The following CNTNAP5 variants were observed in gnomAD, a reference collection of about 807,000 sequenced individuals.
CNTNAP5 encodes the protein contactin associated protein family member 5, also known as contactin-associated protein-like 5.
Under a neutral mutation model 150.2 loss-of-function variants are expected in CNTNAP5, and 72 were observed. That is an observed-to-expected ratio of 0.48 (90% confidence interval 0.40 to 0.58). The LOEUF (loss-of-function observed/expected upper bound fraction) is 0.58. Ranked by LOEUF, CNTNAP5 falls within the 20% of genes least tolerant of loss-of-function variation. CNTNAP5 has a pLI of 0.00. For synonymous variants in CNTNAP5, 672 were observed against 619.8 expected, an observed-to-expected ratio of 1.08 and a Z score of -1.25; for missense variants, 1,636 against 1,626.2, an observed-to-expected ratio of 1.01 and a Z score of -0.10.
At chr2:124,516,792 G>T (rs868801585) in intron 8 of CNTNAP5, among the ~76,000 whole-genome samples, 22 of 152,308 alleles carry the variant, frequency 1.4e-4, no homozygotes, top group African/African-American at 5.3e-4. Flanking sequence ...AAAAAAAGAT[G>T]TCAAAATATG....
chr2:124,136,568 T>C (rs1683979153), intron 1 of CNTNAP5, among the ~76,000 whole-genome samples: 1 of 152,176 alleles, frequency 6.6e-6, no homozygotes, highest in South Asian at 2.1e-4. Flanking sequence ...TCTCATGTAA[T>C]TTACAGAATA....
intron 3 of CNTNAP5, among the ~76,000 whole-genome samples, chr2:124,249,733 C>A (rs1036623891): frequency 1.3e-5 from 2 of 152,162 alleles, no homozygotes; most frequent in African/African-American, 4.8e-5. Flanking sequence ...GTGTCATTGG[C>A]CACAATCACT....
chr2:124,029,716 A>G (rs965431959), intron 1 of CNTNAP5, among the ~76,000 whole-genome samples: 1 of 151,540 alleles, frequency 6.6e-6, no homozygotes, highest in African/African-American at 2.4e-5. Flanking sequence ...GTTTCCCTTT[A>G]CTGAATCACT....
intron 19 of CNTNAP5, among the ~76,000 whole-genome samples, chr2:124,852,238 A>T (rs1285196010): frequency 6.6e-6 from 1 of 152,218 alleles, no homozygotes; most frequent in Admixed American, 6.5e-5. Flanking sequence ...ATTATGACTG[A>T]CAGCTTGAAA....
intron 14 of CNTNAP5, among the ~76,000 whole-genome samples, chr2:124,752,621 G>A (rs2105151712): frequency 6.6e-6 from 1 of 152,188 alleles, no homozygotes; most frequent in South Asian, 2.1e-4. Context: ...AAATTGTAAT[G>A]AAAAAGGAAT....
At chr2:124,794,643 T>G (rs1681806978) in intron 18 of CNTNAP5, among the ~76,000 whole-genome samples, 1 of 152,214 alleles carries the variant, frequency 6.6e-6, no homozygotes, top group Non-Finnish European at 1.5e-5. Context: ...CCATTTATTT[T>G]TACTTTTTAT....
intron 1 of CNTNAP5, among the ~76,000 whole-genome samples, chr2:124,057,744 G>GA (rs1681895367): frequency 6.7e-6 from 1 of 148,964 alleles, no homozygotes; most frequent in Non-Finnish European, 1.5e-5. Flanking sequence ...CAAGAAGGAT[G>GA]GTAACAGAGG....
chr2:124,252,279 G>A (rs543231601), intron 3 of CNTNAP5, among the ~76,000 whole-genome samples: 67 of 152,292 alleles, frequency 4.4e-4, no homozygotes, highest in African/African-American at 1.6e-3. Context: ...CGTAATTTAA[G>A]GAAAGATCCT....
At chr2:124,685,986 A>T (rs1238699305) in intron 13 of CNTNAP5, among the ~76,000 whole-genome samples, 1 of 152,044 alleles carries the variant, frequency 6.6e-6, no homozygotes, top group East Asian at 1.9e-4. Flanking sequence ...TGAAGACCTC[A>T]CAGTTGTTTT....
At chr2:124,081,164 A>G (rs1261882235) in intron 1 of CNTNAP5, among the ~76,000 whole-genome samples, 1 of 152,008 alleles carries the variant, frequency 6.6e-6, no homozygotes, top group Non-Finnish European at 1.5e-5. Context: ...TACTAGATGT[A>G]CTGGTTTTTT....
chr2:124,122,024 G>A (rs1432882583), intron 1 of CNTNAP5, among the ~76,000 whole-genome samples: 1 of 152,154 alleles, frequency 6.6e-6, no homozygotes, highest in African/African-American at 2.4e-5. Context: ...TTTCATACCA[G>A]CTAATTCATG....
intron 10 of CNTNAP5, among the ~76,000 whole-genome samples, chr2:124,550,988 G>C (rs540380036): frequency 1.3e-5 from 2 of 152,140 alleles, no homozygotes; most frequent in East Asian, 3.9e-4. Flanking sequence ...CCTCTGCTTT[G>C]AAGAACTGGC....
chr2:124,577,518 G>T (rs1696310835), intron 11 of CNTNAP5, among the ~76,000 whole-genome samples: 1 of 152,214 alleles, frequency 6.6e-6, no homozygotes, highest in South Asian at 2.1e-4. Flanking sequence ...TATCTATTCA[G>T]GGTTCAACAG....
chr2:124,797,898 G>A (rs143405271), intron 18 of CNTNAP5, among the ~76,000 whole-genome samples, 198 bp from the exon 19 acceptor site: 13 of 152,308 alleles, frequency 8.5e-5, no homozygotes, highest in African/African-American at 3.1e-4. Flanking sequence ...TAACCTATGA[G>A]AGCATTAAGT....
At chr2:124,826,194 C>CT (rs1240050767) in intron 19 of CNTNAP5, among the ~76,000 whole-genome samples, 4 of 152,024 alleles carry the variant, frequency 2.6e-5, no homozygotes. Flanking sequence ...GTTTAAGAAA[C>CT]TTTATAACCA....
intron 21 of CNTNAP5, among the ~76,000 whole-genome samples, chr2:124,886,566 G>A (rs1403528285): frequency 2.6e-5 from 4 of 152,066 alleles, no homozygotes; most frequent in East Asian, 3.9e-4. Flanking sequence ...TTTTAAAAGG[G>A]GAGAAAAAGA....
intron 1 of CNTNAP5, among the ~76,000 whole-genome samples, chr2:124,063,807 G>T (rs932316941): frequency 3.3e-5 from 5 of 152,100 alleles, no homozygotes; most frequent in African/African-American, 1.2e-4. Flanking sequence ...GTGGAATAAA[G>T]GTGGGCACAG....
chr2:124,397,239 T>C (rs890439947), intron 3 of CNTNAP5, among the ~76,000 whole-genome samples: 1 of 152,214 alleles, frequency 6.6e-6, no homozygotes, highest in Non-Finnish European at 1.5e-5. Flanking sequence ...TTCTAGCTGC[T>C]ATAACAAATG....
At chr2:124,812,980 G>A (rs772926126) in intron 19 of CNTNAP5, among the ~76,000 whole-genome samples, 17 of 152,058 alleles carry the variant, frequency 1.1e-4, no homozygotes, top group Non-Finnish European at 2.4e-4. Flanking sequence ...AGCTTTCTTG[G>A]CCACTTCTCA....
Sources: allele counts gnomAD v4.1 joint callset (sites outside exome capture counted in the v4.1 genomes callset), GRCh38; gene constraint gnomAD v4.1.1; transcripts MANE v1.5; gene names NCBI Gene and HGNC (gene_info 2026-07-23, HGNC 2026-07-21).